OPCML: variants seen among roughly 807,000 people sequenced by gnomAD.
OPCML encodes the protein opioid-binding protein/cell adhesion molecule.
In OPCML, 13 loss-of-function variants were observed where a neutral mutation model predicts 37.8. The observed-to-expected ratio is 0.34, with a 90% CI of 0.22 to 0.55. OPCML has a LOEUF of 0.55. OPCML is among the 20% of genes least tolerant of loss of function. The pLI, the probability that OPCML is intolerant of heterozygous loss-of-function variation, is 0.91. For missense variants in OPCML, 341 were observed against 435.6 expected (o/e 0.78, Z 1.93); for synonymous variants, 176 against 168.8 (o/e 1.04, Z -0.33).
chr11:133,166,511 TATA>T (rs1950210466), intron 1 of OPCML, among the ~76,000 whole-genome samples: 1 of 152,228 alleles, frequency 6.6e-6, no homozygotes, highest in South Asian at 2.1e-4. Context: ...TAGTTAATGT[TATA>T]ATATTGGCAT....
At chr11:132,944,040 C>A (rs950148638) in intron 1 of OPCML, among the ~76,000 whole-genome samples, 2 of 151,834 alleles carry the variant, frequency 1.3e-5, no homozygotes, top group African/African-American at 4.8e-5. Context: ...TCCCGACGGG[C>A]GGGCGCCCAC....
intron 1 of OPCML, among the ~76,000 whole-genome samples, chr11:133,207,833 C>G (rs1223241648): frequency 6.6e-6 from 1 of 152,064 alleles, no homozygotes; most frequent in Non-Finnish European, 1.5e-5. Context: ...ACCAGACATC[C>G]CTGTGGCATC....
chr11:132,428,356 T>G (rs1388158408), intron 7 of OPCML, among the ~76,000 whole-genome samples: 5 of 152,236 alleles, frequency 3.3e-5, no homozygotes, highest in Non-Finnish European at 7.3e-5. Context: ...GAAGATATAT[T>G]TATTAATTCA....
intron 1 of OPCML, among the ~76,000 whole-genome samples, chr11:133,519,661 T>C (rs1948359764): frequency 6.6e-6 from 1 of 152,188 alleles, no homozygotes. Flanking sequence ...AGCCACAGCA[T>C]AAAATATGAC....
intron 1 of OPCML, among the ~76,000 whole-genome samples, chr11:133,340,606 CTCTG>C (rs1407848564): frequency 2.2e-3 from 243 of 109,358 alleles, no homozygotes; most frequent in Middle Eastern, 7.5e-3. Flanking sequence ...TTAAGACTCT[CTCTG>C]TGTGTGTGTG....
At chr11:133,519,275 T>C (rs1189764773) in intron 1 of OPCML, among the ~76,000 whole-genome samples, 1 of 152,188 alleles carries the variant, frequency 6.6e-6, no homozygotes, top group African/African-American at 2.4e-5. Flanking sequence ...AAATGTTCAA[T>C]GCAATACAAA....
At position 132,437,195 on chromosome 11, in the gene OPCML, G is replaced by A. The variant is rs747740009; in HGVS notation, c.643+27C>T. ...TACTCCCTGTGCCGTCTTTTCCCCAGAACCCCCTGGCTGCAGGTCCACTCA... is the reference window on the plus strand; with the variant it reads ...TACTCCCTGTGCCGTCTTTTCCCCAAAACCCCCTGGCTGCAGGTCCACTCA... On this transcript the variant is annotated intron_variant, in intron 5 of 7. Transcript: ENST00000524381. The A allele has an allele frequency of 1.9e-6, 3 of 1,606,830 alleles. No homozygotes were observed. In the Admixed American group the frequency reaches 5.0e-5, roughly 27 times the overall value.
intron 1 of OPCML, among the ~76,000 whole-genome samples, chr11:133,023,198 G>T (rs1947485740): frequency 6.6e-6 from 1 of 152,154 alleles, no homozygotes; most frequent in Admixed American, 6.5e-5. Flanking sequence ...TTAGGTCAAA[G>T]GGCTTAGCCC....
intron 2 of OPCML, among the ~76,000 whole-genome samples, chr11:132,682,407 T>A (rs1162362465): frequency 2.0e-5 from 3 of 152,272 alleles, no homozygotes; most frequent in East Asian, 1.9e-4. Flanking sequence ...TATCATCTTT[T>A]AAAAAAACTC....
At chr11:133,265,842 C>T (rs370539856) in intron 1 of OPCML, among the ~76,000 whole-genome samples, 1 of 152,150 alleles carries the variant, frequency 6.6e-6, no homozygotes, top group South Asian at 2.1e-4. Flanking sequence ...GGAAATGTGC[C>T]GGAAGCAATC....
intron 3 of OPCML, among the ~76,000 whole-genome samples, chr11:132,623,419 GA>G (rs5795790): frequency 1.1e-4 from 16 of 151,348 alleles, no homozygotes; most frequent in East Asian, 3.9e-4. Context: ...TGTTTTGGGG[GA>G]AAAAAAAGAG....
intron 2 of OPCML, among the ~76,000 whole-genome samples, chr11:132,884,471 A>C (rs770477899): frequency 6.6e-6 from 1 of 152,228 alleles, no homozygotes; most frequent in Non-Finnish European, 1.5e-5. Flanking sequence ...AGGGGTCAGA[A>C]AGATTGCTTG....
chr11:132,433,499 C>T (rs10894559), intron 7 of OPCML, among the ~76,000 whole-genome samples: 42,107 of 151,958 alleles, frequency 0.28, 5,996 homozygotes, highest in Non-Finnish European at 0.3. Context: ...AGCATATATG[C>T]GGGAAGGAAG....
chr11:133,001,113 G>A (rs1946993652), intron 1 of OPCML, among the ~76,000 whole-genome samples: 1 of 152,124 alleles, frequency 6.6e-6, no homozygotes, highest in Non-Finnish European at 1.5e-5. Flanking sequence ...TTTTCTTTAT[G>A]GGTTACCCAG....
intron 1 of OPCML, among the ~76,000 whole-genome samples, chr11:133,434,844 AATAT>A (rs1946201622): frequency 6.8e-6 from 1 of 146,654 alleles, no homozygotes; most frequent in Non-Finnish European, 1.5e-5. Context: ...ATATATATTT[AATAT>A]ATATTCAATA....
chr11:133,191,563 G>A (rs1938322980), intron 1 of OPCML, among the ~76,000 whole-genome samples: 1 of 150,292 alleles, frequency 6.7e-6, no homozygotes, highest in Non-Finnish European at 1.5e-5. Context: ...TGTCATCCAG[G>A]CTGGAGTACA....
At chr11:133,005,915 G>C in intron 1 of OPCML, 1 of 985,364 alleles carries the variant, frequency 1.0e-6, no homozygotes, top group Non-Finnish European at 1.2e-6. Flanking sequence ...GGTTAGCTGT[G>C]GCCCTCAGAC....
chr11:132,638,193 A>G (rs1940642707), intron 3 of OPCML, among the ~76,000 whole-genome samples: 1 of 148,774 alleles, frequency 6.7e-6, no homozygotes, highest in African/African-American at 2.5e-5. Flanking sequence ...ATATACAGAG[A>G]GAGAGAGAGC....
chr11:133,441,049 G>A (rs1194821716), intron 1 of OPCML, among the ~76,000 whole-genome samples: 1 of 151,504 alleles, frequency 6.6e-6, no homozygotes, highest in Non-Finnish European at 1.5e-5. Context: ...ATTAGAATAA[G>A]ACACTATTAA....
Sources: allele counts gnomAD v4.1 joint callset (sites outside exome capture counted in the v4.1 genomes callset), GRCh38; gene constraint gnomAD v4.1.1; transcripts MANE v1.5; gene names NCBI Gene and HGNC (gene_info 2026-07-23, HGNC 2026-07-21).